Variants in ERCC1 observed in about 807,000 individuals in gnomAD.
ERCC1 encodes ERCC excision repair 1, endonuclease non-catalytic subunit.
In ERCC1, 36 loss-of-function variants were observed where a neutral mutation model predicts 37.6. The observed-to-expected ratio is 0.96, with a 90% CI of 0.73 to 1.26. The LOEUF (loss-of-function observed/expected upper bound fraction) is 1.26, where lower values mean the gene tolerates loss of function less well. ERCC1 is among the 50% of genes most tolerant of loss of function. The pLI is 0.00. For missense variants in ERCC1, 349 were observed against 376.5 expected (o/e 0.93, Z 0.60); for synonymous variants, 156 against 162.1 (o/e 0.96, Z 0.28).
chr19:45,448,336 C>T (rs1442819580), intron 1 of ERCC1, among the ~76,000 whole-genome samples: 1 of 152,174 alleles, frequency 6.6e-6, no homozygotes, highest in Admixed American at 6.6e-5. Context: ...CAGCTCACCC[C>T]AACATCACAC....
intron 5 of ERCC1, 27 bp from the exon 6 acceptor site, chr19:45,416,924 C>T (rs543493677): frequency 6.3e-7 from 1 of 1,575,244 alleles, no homozygotes; most frequent in South Asian, 1.1e-5. Flanking sequence ...GAATTAGAAA[C>T]CTAGAAGCCA....
Position 45,423,137 on chromosome 19 carries a change from C to T in ERCC1, c.105+133G>A, listed in dbSNP as rs930440324. On this transcript the variant is annotated intron_variant, in intron 2 of 9. Transcript: ENST00000300853. ...GGGGAAACTGGGACCTGGGGAGGAC[C>T]AAGGACTGTTTCCCCAAGTCGTCCG... 2.9e-5 allele frequency: 24 copies of T among 837,912 alleles called. No individual in the cohort carries two copies. In the African/African-American group the frequency reaches 3.4e-4, roughly 12 times the overall value. The allele number at this position is 837,912 out of a possible 1,614,324, so 51.9% of individuals were successfully genotyped here.
chr19:45,414,997 G>C (rs41561512), intron 6 of ERCC1, 37 bp from the exon 7 acceptor site: 1 of 1,485,878 alleles, frequency 6.7e-7, no homozygotes. Context: ...GGGAGGTGAG[G>C]TATCAGATTA....
At chr19:45,414,560 G>C (rs1284532721) in intron 7 of ERCC1, 4 of 430,314 alleles carry the variant, frequency 9.3e-6, no homozygotes, top group Non-Finnish European at 1.7e-5. Flanking sequence ...CTAGGCCTGG[G>C]AGAAGTGAAG....
At chr19:45,451,371 C>T (rs1266633022) in intron 1 of ERCC1, among the ~76,000 whole-genome samples, 1 of 151,448 alleles carries the variant, frequency 6.6e-6, no homozygotes, top group Non-Finnish European at 1.5e-5. Flanking sequence ...GGTTGGGGTC[C>T]CCACCAGGGG....
chr19:45,412,337 T>G (rs757053167), intron 9 of ERCC1, among the ~76,000 whole-genome samples: 1 of 151,924 alleles, frequency 6.6e-6, no homozygotes, highest in Non-Finnish European at 1.5e-5. Context: ...TTTTATATTT[T>G]TAGTAGAGAT....
chr19:45,441,931 C>G (rs1291307102), intron 1 of ERCC1, among the ~76,000 whole-genome samples: 1 of 152,090 alleles, frequency 6.6e-6, no homozygotes, highest in Non-Finnish European at 1.5e-5. Flanking sequence ...ATCCGCCTGC[C>G]TCGGCCTCCC....
At chr19:45,427,126 A>C (rs1056651084), upstream of ERCC1, among the ~76,000 whole-genome samples, 1 of 151,750 alleles carries the variant, frequency 6.6e-6, no homozygotes, top group African/African-American at 2.4e-5. Flanking sequence ...GAGACCAAAA[A>C]CAAACAAAAC....
chr19:45,428,087 T>C (rs554894870), upstream of ERCC1, among the ~76,000 whole-genome samples: 729 of 139,326 alleles, frequency 5.2e-3, 3 homozygotes, highest in Non-Finnish European at 7.9e-3. Flanking sequence ...TTCTTTCTTT[T>C]TTTTTTTTTT....
chr19:45,432,262 G>A lies in ERCC1; in HGVS notation c.-7-8881C>T, dbSNP rs185280212. Among the ~76,000 whole-genome samples the A allele has an allele frequency of 2.4e-3, 368 of 150,746 alleles. 1 individual carries two copies. The highest frequency in any genetic ancestry group is 8.4e-3 in the African/African-American group (346 of 41,082). ...TGGGATTACAGGCATGAGCCACCAC[G>A]CCTGGCCAACACAAAATTAATTTAT... On this transcript the variant is annotated intron_variant, in intron 1 of 8. Coordinates refer to the ERCC1 transcript ENST00000423698.
In ERCC1 at chr19:45,409,012, G is replaced by A; in HGVS notation, c.*663C>T. On this transcript the variant is annotated 3_prime_UTR_variant, in exon 10 of 10. Coordinates refer to ENST00000300853, the MANE Select transcript of ERCC1 (RefSeq NM_001983.4). ...TGGAGCCAGGGACGGAGGCGATGGA[G>A]CCAGTGGAGCCGGAGATGAAGCCTC... 1 of 1,614,106 alleles carries A rather than the reference G, an allele frequency of 6.2e-7. No individual in the cohort carries two copies. Among genetic ancestry groups the A allele is most frequent in the Non-Finnish European group, 8.5e-7 (1 of 1,180,024 alleles).
rs1973541585 is a variant in ERCC1 at position 45,409,308 on chromosome 19, G to A, written c.*367C>T. Reference sequence around the variant, plus strand: ...CAGCCACTAGAGCCTGAACTGCCAGGGGAGGGACAGCCTGAAGCCAGGGCA... The same window carrying A: ...CAGCCACTAGAGCCTGAACTGCCAGAGGAGGGACAGCCTGAAGCCAGGGCA... On this transcript the variant is annotated 3_prime_UTR_variant, in exon 10 of 10. Coordinates refer to ENST00000300853, the MANE Select transcript of ERCC1 (RefSeq NM_001983.4). The A allele has an allele frequency of 1.9e-6, 3 of 1,613,936 alleles. No individual in the cohort carries two copies. Among genetic ancestry groups the A allele is most frequent in the African/African-American group, 1.3e-5 (1 of 74,902 alleles).
rs1050151732 is a variant in ERCC1, at chr19:45,439,636, C to G, written c.-7-16255G>C. Among the ~76,000 whole-genome samples, 10 of 152,308 alleles carry G rather than the reference C, an allele frequency of 6.6e-5. No individual in the cohort carries two copies. In the South Asian group the frequency reaches 1.2e-3, roughly 19 times the overall value. ...TCCCTGCGGGGGCCACCAGGGGGCG[C>G]GGCGCCCCTGCCCAAAACTCCGCCG... On this transcript the variant is annotated intron_variant, in intron 1 of 8. Coordinates refer to the ERCC1 transcript ENST00000423698.
At chr19:45,410,791 T>C (rs777567321) in intron 9 of ERCC1, 1 of 152,184 alleles carries the variant, frequency 6.6e-6, no homozygotes, top group Non-Finnish European at 1.5e-5. Flanking sequence ...CAGTTCATTA[T>C]GTTGTAATTG....
intron 4 of ERCC1, among the ~76,000 whole-genome samples, chr19:45,419,701 G>A (rs1974284408): frequency 6.6e-6 from 1 of 152,158 alleles, no homozygotes; most frequent in African/African-American, 2.4e-5. Context: ...CCTGTCTGCA[G>A]AGGGGCCCCT....
chr19:45,411,913 G>A (rs531125453), intron 9 of ERCC1, among the ~76,000 whole-genome samples: 62 of 151,964 alleles, frequency 4.1e-4, no homozygotes, highest in African/African-American at 1.4e-3. Context: ...CTGGAGTGCA[G>A]TGGTATGATC....
chr19:45,419,062 C>T (rs1258574000), intron 5 of ERCC1, 36 bp downstream of exon 5: 4 of 1,425,562 alleles, frequency 2.8e-6, no homozygotes, highest in Middle Eastern at 1.7e-4. Flanking sequence ...AACCTCAAAG[C>T]CCGGTGAGGC....
chr19:45,444,921 C>T (rs1337264893), intron 1 of ERCC1, among the ~76,000 whole-genome samples: 3 of 152,236 alleles, frequency 2.0e-5, no homozygotes, highest in Non-Finnish European at 4.4e-5. Context: ...GCAAATCAGG[C>T]TGTTCTGACG....
At chr19:45,435,498 T>C in intron 1 of ERCC1, among the ~76,000 whole-genome samples, 1 of 152,186 alleles carries the variant, frequency 6.6e-6, no homozygotes. Flanking sequence ...ACCTTTATTC[T>C]GTTACGCAGG....
Sources: allele counts gnomAD v4.1 joint callset (sites outside exome capture counted in the v4.1 genomes callset), GRCh38; gene constraint gnomAD v4.1.1; transcripts MANE v1.5; gene names NCBI Gene and HGNC (gene_info 2026-07-23, HGNC 2026-07-21).